The following USP24 variants were observed in gnomAD, a reference collection of about 807,000 sequenced individuals.
USP24 encodes ubiquitin carboxyl-terminal hydrolase 24.
In USP24, 97 loss-of-function variants were observed where a neutral mutation model predicts 361.6. The observed-to-expected ratio is 0.27, with a 90% CI of 0.23 to 0.32. USP24 has a LOEUF of 0.32. USP24 is among the 10% of genes least tolerant of loss of function. The pLI is 1.00. For synonymous variants in USP24, 1,098 were observed against 1,124.6 expected, an observed-to-expected ratio of 0.98 and a Z score of 0.47; for missense variants, 2,353 against 3,165.6, an observed-to-expected ratio of 0.74 and a Z score of 6.16.
intron 36 of USP24, among the ~76,000 whole-genome samples, chr1:55,123,138 T>C (rs72660588): frequency 9.8e-4 from 149 of 152,328 alleles, no homozygotes; most frequent in Non-Finnish European, 1.8e-3. Context: ...GATATACAAT[T>C]CTAATTCTGT....
chr1:55,079,700 T>C lies in USP24; in HGVS notation c.7079-41A>G, dbSNP rs772885614. 1.9e-5 allele frequency: 29 copies of C among 1,516,598 alleles called. No homozygotes were observed. The South Asian group carries it at 3.7e-4, about 19-fold the overall frequency. The allele number at this position is 1,516,598 out of a possible 1,614,324, so 93.9% of individuals were successfully genotyped here. ...GAAACAAAACAGAACCTGTCTCACC[T>C]GGTGTTACTCCACAAAATACACATC... On this transcript the variant is annotated intron_variant, in intron 59 of 67. Transcript: ENST00000294383.
In USP24 at chr1:55,107,449, A is replaced by T. The variant is rs1645807026; in HGVS notation, c.4571-19T>A. On this transcript the variant is annotated intron_variant, in intron 39 of 67. Transcript: ENST00000294383. ...TCTGAAGCTAAGAAGGAAAAAAAAAATCCATTACAAAGAAAGAAGGATTTC... is the reference window on the plus strand; with the variant it reads ...TCTGAAGCTAAGAAGGAAAAAAAAATTCCATTACAAAGAAAGAAGGATTTC... The T allele has an allele frequency of 1.9e-6, 3 of 1,544,394 alleles. No individual in the cohort carries two copies. Among genetic ancestry groups the T allele is most frequent in the Non-Finnish European group, 2.6e-6 (3 of 1,149,720 alleles).
intron 64 of USP24, 47 bp from the exon 65 acceptor site, chr1:55,072,908 TTCCTAGTGCTTCATTTTGA>T: frequency 2.6e-6 from 4 of 1,517,792 alleles, no homozygotes; most frequent in Non-Finnish European, 3.6e-6. Flanking sequence ...TCTTTGCTTG[TTCCTAGTGCTTCATTTTGA>T]AACGTAAATG....
chr1:55,080,514 C>T (rs1645128528), intron 59 of USP24, among the ~76,000 whole-genome samples: 1 of 152,170 alleles, frequency 6.6e-6, no homozygotes. Flanking sequence ...TTAGTTTTTG[C>T]ATCCATAGAC....
intron 1 of USP24, among the ~76,000 whole-genome samples, chr1:55,191,845 G>A (rs1196798506): frequency 6.6e-6 from 1 of 152,038 alleles, no homozygotes. Flanking sequence ...CACAGTCACT[G>A]TACAATATTA....
rs576940226 is a variant in USP24 at position 55,134,907 on chromosome 1, T to C, written c.3202-494A>G. On this transcript the variant is annotated intron_variant, in intron 28 of 67. Coordinates refer to ENST00000294383, the MANE Select transcript of USP24 (RefSeq NM_015306.3). ...AAGATCAGAAAAGACAAAATGGTTA[T>C]AACTGCATAAAAGAGATTCAGATAT... Among the ~76,000 whole-genome samples the C allele has an allele frequency of 3.3e-5, 5 of 152,310 alleles. No homozygotes were observed. The South Asian group carries it at 8.3e-4, about 25-fold the overall frequency.
intron 5 of USP24, among the ~76,000 whole-genome samples, chr1:55,167,177 T>A (rs1397461752): frequency 3.3e-5 from 5 of 152,118 alleles, no homozygotes; most frequent in Non-Finnish European, 5.9e-5. Context: ...AGAAGACAAT[T>A]CAAATTGTGC....
At position 55,083,267 on chromosome 1, in the gene USP24, C is replaced by T. The variant is rs781143520; in HGVS notation, c.6975+5G>A. 4 of 1,613,332 alleles carry T rather than the reference C, an allele frequency of 2.5e-6. No homozygotes were observed. The highest frequency in any genetic ancestry group is 2.7e-5 in the African/African-American group (2 of 74,876). On this transcript the variant is annotated splice_donor_5th_base_variant and intron_variant, in intron 58 of 67. Coordinates refer to ENST00000294383, the MANE Select transcript of USP24 (RefSeq NM_015306.3). ...TTCCACTAGGGATATAAAAGTAGTC[C>T]TTACCTGATTGTTTTGCCGACTGGC...
At chr1:55,097,897 C>A (rs376169296) in intron 47 of USP24, 46 bp downstream of exon 47, 5 of 1,557,408 alleles carry the variant, frequency 3.2e-6, no homozygotes, top group South Asian at 2.5e-5. Context: ...ACGCACTATG[C>A]GAATAACAAA....
intron 32 of USP24, among the ~76,000 whole-genome samples, chr1:55,128,061 A>T (rs558024378): frequency 6.6e-6 from 1 of 152,232 alleles, no homozygotes; most frequent in Non-Finnish European, 1.5e-5. Context: ...AGGACCTTGT[A>T]TACAAACAAA....
chr1:55,214,805 C>G lies in USP24; in HGVS notation c.309G>C (p.Glu103Asp). The change falls in exon 1 of 68, where the codon GAG (glutamate) becomes GAC (aspartate). Residue 103 changes from glutamate to aspartate, a missense_variant. Physicochemically the swap from Glu to Asp is conservative, Grantham distance 45 (BLOSUM62 2). Around this residue, in one of 8 missense-constraint regions of USP24, gnomAD observed 253 missense variants for 255.3 expected, o/e 0.99. Transcript: ENST00000294383. ...CCCTCCTCACCTCCGCGTCCACCAC[C>G]TCGTGGTAGGCGGGCGGGGGGTCGA... is the stretch of plus-strand genomic sequence containing the variant. Reference protein sequence around the residue: ...GGFDPPPAYHEVVDAEKNDEN... With the variant: ...GGFDPPPAYHDVVDAEKNDEN... 2 of 1,224,436 alleles carry G rather than the reference C, an allele frequency of 1.6e-6. No homozygotes were observed. Among genetic ancestry groups the G allele is most frequent in the Non-Finnish European group, 2.1e-6 (2 of 973,560 alleles). The allele number at this position is 1,224,436 out of a possible 1,614,324, so 75.8% of individuals were successfully genotyped here.
intron 19 of USP24, among the ~76,000 whole-genome samples, 166 bp downstream of exon 19, chr1:55,146,763 T>C (rs969083183): frequency 6.6e-5 from 10 of 152,208 alleles, no homozygotes; most frequent in Admixed American, 5.2e-4. Context: ...TTTATTTTTA[T>C]CATGAATATA....
At position 55,176,425 on chromosome 1, in the gene USP24, T is replaced by C; in HGVS notation, c.509A>G (p.Glu170Gly). The change falls in exon 3 of 68, where the codon GAG becomes GGG. Residue 170 changes from glutamate (E) to glycine (G), a missense_variant. Glu to Gly is a moderately conservative substitution (Grantham distance 98). Around this residue, in one of 8 missense-constraint regions of USP24, gnomAD observed 253 missense variants for 255.3 expected, o/e 0.99. Coordinates refer to ENST00000294383, the MANE Select transcript of USP24 (RefSeq NM_015306.3). ...CCTGTCCATAAACCTTCTACAATTCTCATCAGACTCGGAAAGACCTTAGTA... is the reference window on the plus strand; with the variant it reads ...CCTGTCCATAAACCTTCTACAATTCCCATCAGACTCGGAAAGACCTTAGTA... ...LARLGLSESD[E>G]NCRRFMDRCM... 1 of 1,570,882 alleles carries C rather than the reference T, an allele frequency of 6.4e-7. No homozygotes were observed. The highest frequency in any genetic ancestry group is 8.6e-7 in the Non-Finnish European group (1 of 1,156,158).
At chr1:55,072,068 C>T in intron 66 of USP24, 144 bp from the exon 67 acceptor site, 1 of 790,842 alleles carries the variant, frequency 1.3e-6, no homozygotes, top group Non-Finnish European at 2.1e-6. Flanking sequence ...CCAGAACCCC[C>T]TCAACCCCTG....
chr1:55,073,303 T>C (rs1024208489), intron 64 of USP24, among the ~76,000 whole-genome samples: 5 of 152,184 alleles, frequency 3.3e-5, no homozygotes, highest in African/African-American at 1.2e-4. Context: ...TCTATGACTC[T>C]AGGCATGTCA....
At chr1:55,171,730 A>G in intron 4 of USP24, 52 bp from the exon 5 acceptor site, 1 of 1,540,260 alleles carries the variant, frequency 6.5e-7, no homozygotes, top group South Asian at 1.2e-5. Flanking sequence ...ATAGCAACAC[A>G]TATTAGCATT....
intron 38 of USP24, among the ~76,000 whole-genome samples, chr1:55,112,678 T>C (rs901728686): frequency 6.6e-6 from 1 of 152,202 alleles, no homozygotes; most frequent in Admixed American, 6.5e-5. Flanking sequence ...AGTGTTTTAC[T>C]TCCAATTATG....
chr1:55,093,369 G>C (rs1423946838), intron 52 of USP24, among the ~76,000 whole-genome samples: 1 of 152,238 alleles, frequency 6.6e-6, no homozygotes, highest in South Asian at 2.1e-4. Flanking sequence ...AGTCTGGACT[G>C]AGTAGACAGT....
intron 22 of USP24, 84 bp downstream of exon 22, chr1:55,142,895 C>T (rs967557716): frequency 2.8e-6 from 4 of 1,428,154 alleles, no homozygotes; most frequent in Non-Finnish European, 3.8e-6. Context: ...TTTGGTCATG[C>T]CAAGGATCAC....
Sources: allele counts gnomAD v4.1 joint callset (sites outside exome capture counted in the v4.1 genomes callset), GRCh38; gene constraint gnomAD v4.1.1; regional missense constraint gnomAD v4.1.1; transcripts MANE v1.5; gene names NCBI Gene and HGNC (gene_info 2026-07-23, HGNC 2026-07-21).